Variants in STAC observed in about 807,000 individuals in gnomAD.
The protein encoded by STAC is SH3 and cysteine rich domain, also known as SH3 and cysteine-rich domain-containing protein.
Under a neutral mutation model 48.8 loss-of-function variants are expected in STAC, and 43 were observed. The ratio of observed to expected loss-of-function variants is 0.88; its 90% CI spans 0.69 to 1.14. The LOEUF is 1.14. Ranked by LOEUF, STAC falls within the 50% of genes most tolerant of loss-of-function variation. The pLI is 0.00. For synonymous variants in STAC, 193 were observed against 179.5 expected, an observed-to-expected ratio of 1.07 and a Z score of -0.60; for missense variants, 497 against 504.0, an observed-to-expected ratio of 0.99 and a Z score of 0.13.
At chr3:36,517,029 G>A (rs1698691138) in intron 8 of STAC, among the ~76,000 whole-genome samples, 2 of 152,168 alleles carry the variant, frequency 1.3e-5, no homozygotes, top group African/African-American at 2.4e-5. Flanking sequence ...AAGGGGCTGT[G>A]ATATCCAATA....
intron 8 of STAC, among the ~76,000 whole-genome samples, chr3:36,518,611 G>A (rs1411329978): frequency 2.0e-5 from 3 of 152,088 alleles, no homozygotes; most frequent in Non-Finnish European, 4.4e-5. Flanking sequence ...ATTCATGAAC[G>A]GCCGCTCCTG....
intron 1 of STAC, among the ~76,000 whole-genome samples, chr3:36,420,731 T>A (rs1044698194): frequency 1.3e-5 from 2 of 152,174 alleles, no homozygotes; most frequent in African/African-American, 4.8e-5. Context: ...GGGGACTGTT[T>A]CCCTATACCA....
Position 36,511,866 on chromosome 3 carries a change from C to A in STAC, c.920+6032C>A, listed in dbSNP as rs143456761. Among the ~76,000 whole-genome samples the A allele has an allele frequency of 4.5e-3, 690 of 152,286 alleles. 2 individuals are homozygous for A. Among genetic ancestry groups the A allele is most frequent in the Middle Eastern group, 0.01 (3 of 294 alleles). On this transcript the variant is annotated intron_variant, in intron 8 of 10. Transcript: ENST00000273183. ...AGCCACTGAAATGCTTCAGTTAGAC[C>A]CTGTTTCCCAGGCTCCATATGCTAT... is the stretch of plus-strand genomic sequence containing the variant.
At chr3:36,432,503 A>C (rs1160779902) in intron 1 of STAC, among the ~76,000 whole-genome samples, 1 of 151,996 alleles carries the variant, frequency 6.6e-6, no homozygotes, top group Non-Finnish European at 1.5e-5. Context: ...GGAGTTCAAG[A>C]CCAGCCTGGC....
chr3:36,461,829 A>C (rs532923579), intron 2 of STAC, among the ~76,000 whole-genome samples: 51 of 152,296 alleles, frequency 3.3e-4, no homozygotes, highest in African/African-American at 1.2e-3. Context: ...TAAAACAGAG[A>C]GAATAAAGAA....
At chr3:36,459,931 C>G (rs1696960475) in intron 2 of STAC, among the ~76,000 whole-genome samples, 1 of 152,104 alleles carries the variant, frequency 6.6e-6, no homozygotes, top group South Asian at 2.1e-4. Context: ...CTCTGATCCT[C>G]AATTTTCCAT....
intron 2 of STAC, among the ~76,000 whole-genome samples, chr3:36,462,890 G>C (rs1462484640): frequency 6.6e-6 from 1 of 151,934 alleles, no homozygotes. Context: ...CCCATATTTA[G>C]TCACAGTTTA....
chr3:36,386,401 T>C (rs1450265622), intron 1 of STAC, among the ~76,000 whole-genome samples: 1 of 143,202 alleles, frequency 7.0e-6, no homozygotes, highest in Non-Finnish European at 1.6e-5. Context: ...TATTCTCTTC[T>C]ACACTGAAAA....
chr3:36,537,131 G>A (rs1433073862), intron 10 of STAC, among the ~76,000 whole-genome samples: 1 of 152,156 alleles, frequency 6.6e-6, no homozygotes, highest in Non-Finnish European at 1.5e-5. Flanking sequence ...GGAAGATAGT[G>A]TGGCAATTTC....
chr3:36,467,053 A>C (rs1486598218), intron 2 of STAC, among the ~76,000 whole-genome samples: 2 of 151,894 alleles, frequency 1.3e-5, no homozygotes, highest in Non-Finnish European at 2.9e-5. Context: ...TTAATCATAA[A>C]GTGATGCTGG....
At chr3:36,425,748 G>C (rs1250779740) in intron 1 of STAC, among the ~76,000 whole-genome samples, 3 of 152,180 alleles carry the variant, frequency 2.0e-5, no homozygotes, top group African/African-American at 7.2e-5. Context: ...ATTCTTGGCT[G>C]GGAGTGGTGG....
At chr3:36,455,180 A>T (rs1382830633) in intron 2 of STAC, among the ~76,000 whole-genome samples, 1 of 152,240 alleles carries the variant, frequency 6.6e-6, no homozygotes, top group East Asian at 1.9e-4. Flanking sequence ...TATATTCTGA[A>T]TACATATTTT....
chr3:36,452,916 G>A (rs1271786376), intron 2 of STAC, among the ~76,000 whole-genome samples: 1 of 152,190 alleles, frequency 6.6e-6, no homozygotes, highest in East Asian at 1.9e-4. Flanking sequence ...GGGCAAGGTG[G>A]GCTCAACAAG....
chr3:36,522,736 T>C (rs1180141377), intron 8 of STAC, among the ~76,000 whole-genome samples: 2 of 152,192 alleles, frequency 1.3e-5, no homozygotes, highest in African/African-American at 4.8e-5. Context: ...TTGTCTCAGA[T>C]AGTAGAGAAA....
intron 2 of STAC, among the ~76,000 whole-genome samples, chr3:36,476,156 C>A (rs1265970400): frequency 6.6e-6 from 1 of 152,242 alleles, no homozygotes; most frequent in Non-Finnish European, 1.5e-5. Flanking sequence ...GTAGGCTAAT[C>A]TTTCCTGATG....
At chr3:36,392,711 C>T (rs533502136) in intron 1 of STAC, among the ~76,000 whole-genome samples, 10 of 152,158 alleles carry the variant, frequency 6.6e-5, no homozygotes, top group Non-Finnish European at 1.5e-4. Flanking sequence ...TTCATCATGC[C>T]TGGTGGCCAG....
intron 1 of STAC, among the ~76,000 whole-genome samples, chr3:36,404,049 C>T (rs927232934): frequency 1.3e-5 from 2 of 152,112 alleles, no homozygotes; most frequent in Non-Finnish European, 2.9e-5. Context: ...CCATTAAATT[C>T]CTTTACACCA....
chr3:36,517,198 T>G (rs1698695045), intron 8 of STAC, among the ~76,000 whole-genome samples: 1 of 152,174 alleles, frequency 6.6e-6, no homozygotes, highest in African/African-American at 2.4e-5. Context: ...GGTTCTCCTA[T>G]CAGGGTATAG....
Position 36,380,567 on chromosome 3 carries a change from C to T in STAC, c.-77C>T. On this transcript the variant is annotated 5_prime_UTR_variant, in exon 1 of 11. Coordinates refer to ENST00000273183, the MANE Select transcript of STAC (RefSeq NM_003149.3). ...CAGGACCCGGAGCTGAGCAGCCTGG[C>T]GCGCGGCGGGCAGGGCGCGCAGGAC... The T allele has an allele frequency of 1.6e-6, 2 of 1,213,762 alleles. No homozygotes were observed. The highest frequency in any genetic ancestry group is 1.2e-6 in the Non-Finnish European group (1 of 845,818). 75.2% of individuals were successfully genotyped at this position (1,213,762 alleles called of 1,614,324 possible).
Sources: gnomAD v4.1 joint callset for allele counts (sites outside exome capture counted in the v4.1 genomes callset) on GRCh38, gnomAD v4.1.1 for gene constraint, MANE v1.5 for transcripts, NCBI Gene and HGNC (gene_info 2026-07-23, HGNC 2026-07-21) for gene names.